Variants in MAX observed in about 807,000 individuals in gnomAD.
The protein encoded by MAX is MYC associated transcriptional regulator X.
MAX carries 3 observed loss-of-function variants against 22.3 expected under a neutral mutation model. The ratio of observed to expected loss-of-function variants is 0.13; its 90% CI spans 0.06 to 0.35. The LOEUF (loss-of-function observed/expected upper bound fraction) is 0.35, where lower values mean the gene tolerates loss of function less well. Among genes scored for constraint, MAX ranks in the 10% least tolerant of loss-of-function variants. The pLI is 1.00. For missense variants in MAX, 119 were observed against 209.4 expected (o/e 0.57, Z 2.66); for synonymous variants, 72 against 77.7 (o/e 0.93, Z 0.39).
Position 65,040,269 on chromosome 14 carries a change from GTA to G in MAX, c.172-33987_172-33986del, listed in dbSNP as rs201454107. Among the ~76,000 whole-genome samples, 328 of 148,486 alleles carry G rather than the reference GTA, an allele frequency of 2.2e-3. 1 individual carries two copies. The highest frequency in any genetic ancestry group is 7.7e-3 in the African/African-American group (311 of 40,554). ...TCACTATATATATATGTATATATATGTATATATATGTGTGTATATATATATAT... is the reference window on the plus strand; with the variant it reads ...TCACTATATATATATGTATATATATGTATATATGTGTGTATATATATATAT... On this transcript the variant is annotated intron_variant, in intron 3 of 3. Transcript: ENST00000341653.
rs1295718448 is a variant in MAX at position 65,102,451 on chromosome 14, A to C, written c.-112T>G. 6.5e-7 allele frequency: 1 copy of C among 1,533,346 alleles called. No homozygotes were observed. Among genetic ancestry groups the C allele is most frequent in the East Asian group, 2.5e-5 (1 of 40,782 alleles). The allele number at this position is 1,533,346 out of a possible 1,614,324, so 95.0% of individuals were successfully genotyped here. A position where few individuals can be genotyped will look rare whatever the true frequency, so the allele number is the denominator to read the frequency against. ...CCGAGTCCCCCCCACACACACACTC[A>C]CTCACTCACTCACTCGCTCTCTCAC... On this transcript the variant is annotated 5_prime_UTR_variant, in exon 1 of 5. Transcript: ENST00000358664.
intron 2 of MAX, chr14:65,094,089 G>C (rs139829219): frequency 4.5e-6 from 2 of 440,728 alleles, no homozygotes; most frequent in South Asian, 2.1e-5. Context: ...GGGGGACAAA[G>C]TGTGACTCTC....
At chr14:65,100,584 C>T (rs944052785) in intron 2 of MAX, among the ~76,000 whole-genome samples, 2 of 152,234 alleles carry the variant, frequency 1.3e-5, no homozygotes, top group African/African-American at 4.8e-5. Flanking sequence ...CCCAAGCCCT[C>T]ACCTCTTCCT....
intron 3 of MAX, among the ~76,000 whole-genome samples, chr14:65,022,676 A>T (rs2061910918): frequency 6.7e-6 from 1 of 148,176 alleles, no homozygotes; most frequent in Non-Finnish European, 1.5e-5. Context: ...CAAATACTTA[A>T]AAAAAAAAAA....
At chr14:65,086,190 CCT>C (rs1482165845) in intron 3 of MAX, among the ~76,000 whole-genome samples, 1 of 152,182 alleles carries the variant, frequency 6.6e-6, no homozygotes, top group East Asian at 1.9e-4. Context: ...AGTCATTAAA[CCT>C]CTTTCTTTTG....
chr14:65,054,660 G>T lies in MAX; in HGVS notation c.171+39048C>A, dbSNP rs147425358. The stretch of plus-strand genomic sequence containing the variant: ...CGGCAGCGGAGCCATGTTGCATGAT[G>T]TGGTCCTGGGTGTGCCCGAAAACGC... On this transcript the variant is annotated intron_variant, in intron 3 of 3. Coordinates refer to the MAX transcript ENST00000341653. This position sits in a 1 kb window ranked among gnomAD's most constrained non-coding sequence, Gnocchi z 4.4. The T allele has an allele frequency of 2.0e-5, 33 of 1,612,916 alleles. 1 individual carries two copies. The African/African-American group carries it at 4.3e-4, about 21-fold the overall frequency.
At chr14:65,066,066 G>C (rs2062928690) in intron 3 of MAX, among the ~76,000 whole-genome samples, 1 of 152,220 alleles carries the variant, frequency 6.6e-6, no homozygotes, top group Admixed American at 6.5e-5. Flanking sequence ...GGGCACTGGT[G>C]AAACATGCTT....
Position 65,023,624 on chromosome 14 carries a change from T to C in MAX, c.172-17340A>G, listed in dbSNP as rs2061926553. Among the ~76,000 whole-genome samples the C allele has an allele frequency of 6.6e-6, 1 of 152,240 alleles. No individual in the cohort carries two copies. Among genetic ancestry groups the C allele is most frequent in the Non-Finnish European group, 1.5e-5 (1 of 68,030 alleles). ...ATTGGCCACTAGCCACAGTTAGTTG[T>C]GGAGTACTTGAAATGTGTCTTGTGT... is the stretch of plus-strand genomic sequence containing the variant. On this transcript the variant is annotated intron_variant, in intron 3 of 3. Coordinates refer to the MAX transcript ENST00000341653. The surrounding 1 kb of genome is among the most constrained non-coding windows in gnomAD (Gnocchi z 4.1).
intron 3 of MAX, among the ~76,000 whole-genome samples, chr14:65,040,139 A>G (rs2062311877): frequency 6.6e-6 from 1 of 152,178 alleles, no homozygotes. Context: ...GCAGTGAGCC[A>G]TGATCTGCAG....
intron 2 of MAX, among the ~76,000 whole-genome samples, chr14:65,100,958 T>C (rs2063813030): frequency 6.6e-6 from 1 of 152,248 alleles, no homozygotes; most frequent in Non-Finnish European, 1.5e-5. Context: ...TTTAATTTTC[T>C]TTATACCTTT....
rs2139501629 is a variant in MAX at position 65,009,612 on chromosome 14, C to G, written c.172-3328G>C. ...CTCTCCTACTATACCCTCATCCCAG[C>G]CCTCCTCCATCCTCTTTACAGACCT... On this transcript the variant is annotated intron_variant, in intron 3 of 3. Transcript: ENST00000341653. This position sits in a 1 kb window ranked among gnomAD's most constrained non-coding sequence, Gnocchi z 4.2. Among the ~76,000 whole-genome samples the G allele has an allele frequency of 6.6e-6, 1 of 152,278 alleles. No homozygotes were observed. The highest frequency in any genetic ancestry group is 2.1e-4 in the South Asian group (1 of 4,826).
chr14:65,098,445 C>G (rs911107926), intron 2 of MAX, among the ~76,000 whole-genome samples: 1 of 152,180 alleles, frequency 6.6e-6, no homozygotes, highest in Non-Finnish European at 1.5e-5. Context: ...AAACCCCTCA[C>G]AAGTATACTG....
chr14:65,022,675 A>T lies in MAX; in HGVS notation c.172-16391T>A, dbSNP rs529167390. Among the ~76,000 whole-genome samples, 22 of 142,792 alleles carry T rather than the reference A, an allele frequency of 1.5e-4. 1 individual carries two copies. Among genetic ancestry groups the T allele is most frequent in the Middle Eastern group, 3.6e-3 (1 of 276 alleles). The allele number at this position is 142,792 out of a possible 152,430, so 93.7% of individuals were successfully genotyped here. On this transcript the variant is annotated intron_variant, in intron 3 of 3. Transcript: ENST00000341653. ...AGCCACCACACCCAGCCAAATACTT[A>T]AAAAAAAAAAAAGTAGTCATTTTTA...
chr14:65,020,733 C>T (rs1480007950), intron 3 of MAX, among the ~76,000 whole-genome samples: 3 of 123,336 alleles, frequency 2.4e-5, no homozygotes, highest in Non-Finnish European at 3.3e-5. Context: ...CGCGCCCGGC[C>T]TTTTTTTTTT....
intron 3 of MAX, chr14:65,015,492 C>A: frequency 2.3e-6 from 1 of 440,260 alleles, no homozygotes; most frequent in Non-Finnish European, 3.8e-6. Context: ...CCTTTATTCA[C>A]TGATTGTTGT....
In MAX at chr14:65,062,625, T is replaced by G. The variant is rs2062885824; in HGVS notation, c.171+31083A>C. On this transcript the variant is annotated intron_variant, in intron 3 of 3. Transcript: ENST00000341653. This position sits in a 1 kb window ranked among gnomAD's most constrained non-coding sequence, Gnocchi z 4.3. ...CATATTGGGCTATGTATTACCTCCT[T>G]GAAATAATAAAAGAATAACATTTTC... The G allele has an allele frequency of 6.6e-6, 1 of 152,624 alleles. No homozygotes were observed. Among genetic ancestry groups the G allele is most frequent in the Non-Finnish European group, 1.5e-5 (1 of 68,034 alleles). The allele number at this position is 152,624 out of a possible 1,614,324, so 9.5% of individuals were successfully genotyped here. A position where few individuals can be genotyped will look rare whatever the true frequency, so the allele number is the denominator to read the frequency against.
chr14:65,081,948 T>C (rs1034738609), intron 3 of MAX: 2 of 152,190 alleles, frequency 1.3e-5, no homozygotes, highest in African/African-American at 2.4e-5. Context: ...TGCGAGATCT[T>C]GCTCCAAAGC....
intron 3 of MAX, among the ~76,000 whole-genome samples, chr14:65,034,821 C>T (rs1595064197): frequency 1.3e-5 from 2 of 152,310 alleles, no homozygotes; most frequent in Non-Finnish European, 2.9e-5. Flanking sequence ...CATGAGTCTT[C>T]CTGTGCTGAG....
Position 65,054,728 on chromosome 14 carries a change from G to C in MAX, c.171+38980C>G, listed in dbSNP as rs781189594. On this transcript the variant is annotated intron_variant, in intron 3 of 3. Coordinates refer to the MAX transcript ENST00000341653. The surrounding 1 kb of genome is among the most constrained non-coding windows in gnomAD (Gnocchi z 4.4). ...AGGGCTTCACACCCCTTCTCCACAG[G>C]GACCTCGCGGACAGAAGGCTTTCCA... The C allele has an allele frequency of 1.3e-6, 2 of 1,561,948 alleles. No individual in the cohort carries two copies. Among genetic ancestry groups the C allele is most frequent in the South Asian group, 2.3e-5 (2 of 85,740 alleles).
Sources: gnomAD v4.1 joint callset for allele counts (sites outside exome capture counted in the v4.1 genomes callset) on GRCh38, gnomAD v4.1.1 for gene constraint, Gnocchi (gnomAD v3.1) non-coding constraint, MANE v1.5 for transcripts, NCBI Gene and HGNC (gene_info 2026-07-23, HGNC 2026-07-21) for gene names.